Variants in BRCA1 observed in about 807,000 individuals in gnomAD.
BRCA1 encodes breast cancer type 1 susceptibility protein.
In BRCA1, 140 loss-of-function variants were observed where a neutral mutation model predicts 173.7. The ratio of observed to expected loss-of-function variants is 0.81; its 90% confidence interval spans 0.70 to 0.93. The LOEUF is 0.93. BRCA1 is among the 40% of genes least tolerant of loss of function. The pLI is 0.00. For synonymous variants in BRCA1, 662 were observed against 756.0 expected, an observed-to-expected ratio of 0.88 and a Z score of 2.04; for missense variants, 1,983 against 2,172.5, an observed-to-expected ratio of 0.91 and a Z score of 1.73.
At chr17:43,169,680 C>T (rs2056306580) in intron 1 of BRCA1, among the ~76,000 whole-genome samples, 1 of 151,756 alleles carries the variant, frequency 6.6e-6, no homozygotes, top group African/African-American at 2.4e-5. Flanking sequence ...ATCTGCCTAG[C>T]TTCGGAAATT....
chr17:43,106,613 A>G, intron 3 of BRCA1, 80 bp from the exon 4 acceptor site: 1 of 1,095,902 alleles, frequency 9.1e-7, no homozygotes. Context: ...AATAGCCATG[A>G]AAAGATAATC....
At chr17:43,112,557 C>T (rs2055084375) in intron 3 of BRCA1, 1 of 152,156 alleles carries the variant, frequency 6.6e-6, no homozygotes, top group Non-Finnish European at 1.5e-5. Flanking sequence ...TAAAAGTGAA[C>T]TATGATCACA....
At position 43,045,084 on chromosome 17, in the gene BRCA1, G is replaced by A. The variant is rs766092076; in HGVS notation, c.*594C>T. 40 of 526,814 alleles carry A rather than the reference G, an allele frequency of 7.6e-5. No homozygotes were observed. Among genetic ancestry groups the A allele is most frequent in the African/African-American group, 1.3e-4 (7 of 53,514 alleles). The allele number at this position is 526,814 out of a possible 1,614,324, so 32.6% of individuals were successfully genotyped here. ...CTCCCAAAGTGCTGGGATTACAGGC[G>A]TGAGCCACCATGCCCAGGTTTCAAG... On this transcript the variant is annotated 3_prime_UTR_variant, in exon 23 of 23. Coordinates refer to ENST00000357654, the MANE Select transcript of BRCA1 (RefSeq NM_007294.4).
intron 1 of BRCA1, chr17:43,160,613 C>G (rs187856012): frequency 6.6e-6 from 1 of 152,128 alleles, no homozygotes; most frequent in Admixed American, 6.5e-5. Context: ...GTGTGGCGCC[C>G]GGGCTGTCTG....
rs532779762 is a variant in BRCA1, at chr17:43,061,629, C to T, written c.5193+1704G>A. On this transcript the variant is annotated intron_variant, in intron 18 of 22. Transcript: ENST00000357654. ...ACAGGGTCTCATTCTGTCTCACAGGCTGGAGTGCAGTGGTGCAATCTAGGC... is the reference window on the plus strand; with the variant it reads ...ACAGGGTCTCATTCTGTCTCACAGGTTGGAGTGCAGTGGTGCAATCTAGGC... Among the ~76,000 whole-genome samples, 3 of 151,250 alleles carry T rather than the reference C, an allele frequency of 2.0e-5. No individual in the cohort carries two copies. In the East Asian group the frequency reaches 5.8e-4, roughly 29 times the overall value.
intron 6 of BRCA1, among the ~76,000 whole-genome samples, chr17:43,101,871 A>G (rs2054490988): frequency 6.6e-6 from 1 of 151,968 alleles, no homozygotes; most frequent in African/African-American, 2.4e-5. Context: ...AAATCACTAC[A>G]TTTTCTTTAA....
At chr17:43,157,382 A>G (rs1358284868) in intron 1 of BRCA1, among the ~76,000 whole-genome samples, 2 of 152,256 alleles carry the variant, frequency 1.3e-5, no homozygotes, top group African/African-American at 4.8e-5. Context: ...GTTTCCATAC[A>G]TATGAGTCTA....
chr17:43,121,648 A>T (rs2055578965), intron 2 of BRCA1, among the ~76,000 whole-genome samples: 1 of 132,994 alleles, frequency 7.5e-6, no homozygotes, highest in African/African-American at 2.7e-5. Flanking sequence ...GTGCCACTGC[A>T]CTCCAGCCTG....
chr17:43,077,089 G>A (rs2052767948), intron 12 of BRCA1, among the ~76,000 whole-genome samples: 1 of 152,056 alleles, frequency 6.6e-6, no homozygotes, highest in South Asian at 2.1e-4. Context: ...GCTTCTGCAT[G>A]TCGGGGGTAA....
At chr17:43,131,504 G>C (rs1222256678) in intron 1 of BRCA1, among the ~76,000 whole-genome samples, 1 of 152,062 alleles carries the variant, frequency 6.6e-6, no homozygotes, top group Non-Finnish European at 1.5e-5. Flanking sequence ...AACTGCTGTG[G>C]TTCATTATGT....
rs1597830446 is a variant in BRCA1, at chr17:43,070,969, T to TAAAA, written c.4944_4945insTTTT (p.Arg1649PhefsTer2). 1 of 1,614,232 alleles carries TAAAA rather than the reference T, an allele frequency of 6.2e-7. No homozygotes were observed. ...AGGCCAGACACCACCATGGACATTC[T>TAAAA]TTTGTTGACCCTTTCTGTTGAAGCT... On this transcript the variant is annotated frameshift_variant, in exon 15 of 23. Transcript: ENST00000357654. LOFTEE classifies it high-confidence loss of function.
intron 3 of BRCA1, among the ~76,000 whole-genome samples, chr17:43,113,838 T>G (rs1469423742): frequency 1.3e-5 from 2 of 152,254 alleles, no homozygotes; most frequent in East Asian, 3.9e-4. Context: ...ATCCCAACAC[T>G]TTTTAAGGCC....
At chr17:43,100,571 TAAC>T (rs1214278964) in intron 6 of BRCA1, among the ~76,000 whole-genome samples, 9 of 90,622 alleles carry the variant, frequency 9.9e-5, no homozygotes, top group African/African-American at 3.7e-4. Context: ...TATATATATA[TAAC>T]ATATATATAA....
At chr17:43,148,739 G>A in intron 1 of BRCA1, 2 of 164,484 alleles carry the variant, frequency 1.2e-5, no homozygotes. Context: ...CTGACATTGA[G>A]GATTCTTTTT....
Position 43,092,181 on chromosome 17 carries a change from A to C in BRCA1, c.3350T>G (p.Val1117Gly), listed in dbSNP as rs2053602865. ...AGAGAAATCTGTATTAACAGTCTGA[A>C]CTACTTCTTCATATTCTTGCTTTTT... ...EIKKQEYEEV[V>G]QTVNTDFSPY... Residue 1117 changes from valine (V) to glycine (G), a missense_variant, in exon 10 of 23, where the codon GTT (valine) becomes GGT (glycine). Coordinates refer to ENST00000357654, the MANE Select transcript of BRCA1 (RefSeq NM_007294.4). The C allele has an allele frequency of 1.2e-6, 2 of 1,613,302 alleles. No individual in the cohort carries two copies. The highest frequency in any genetic ancestry group is 1.7e-6 in the Non-Finnish European group (2 of 1,179,954).
intron 5 of BRCA1, among the ~76,000 whole-genome samples, chr17:43,104,524 A>G (rs1597897607): frequency 1.3e-5 from 2 of 152,208 alleles, no homozygotes; most frequent in African/African-American, 4.8e-5. Context: ...TTGCCTATCA[A>G]TACTGTATTT....
chr17:43,105,578 C>T (rs539072195), intron 4 of BRCA1, among the ~76,000 whole-genome samples: 1 of 152,192 alleles, frequency 6.6e-6, no homozygotes, highest in South Asian at 2.1e-4. Context: ...CTGCCCAATC[C>T]CTCACTTAGT....
Position 43,091,428 on chromosome 17 carries a change from C to T in BRCA1, c.4096+7G>A, listed in dbSNP as rs1060504565. 6.2e-7 allele frequency: 1 copy of T among 1,614,048 alleles called. No homozygotes were observed. The highest frequency in any genetic ancestry group is 8.5e-7 in the Non-Finnish European group (1 of 1,179,984). On this transcript the variant is annotated splice_region_variant and intron_variant, in intron 10 of 22. Transcript: ENST00000357654. Reference sequence around the variant, plus strand: ...CTGGGGCAAACACAAAAACCTGGTTCCAATACCTAAGTTTGAATCCATGCT... The same window carrying T: ...CTGGGGCAAACACAAAAACCTGGTTTCAATACCTAAGTTTGAATCCATGCT...
chr17:43,108,587 C>T (rs2054892988), intron 3 of BRCA1, among the ~76,000 whole-genome samples: 1 of 150,848 alleles, frequency 6.6e-6, no homozygotes, highest in African/African-American at 2.4e-5. Flanking sequence ...ACGCCTGAGT[C>T]CCAGCTACTT....
Sources: allele counts gnomAD v4.1 joint callset (sites outside exome capture counted in the v4.1 genomes callset), GRCh38; gene constraint gnomAD v4.1.1; transcripts MANE v1.5; gene names NCBI Gene and HGNC (gene_info 2026-07-23, HGNC 2026-07-21).